The following EFHC2 variants were observed in gnomAD, a reference collection of about 807,000 sequenced individuals.
The protein encoded by EFHC2 is EF-hand domain containing 2.
A neutral mutation model predicts 52.7 loss-of-function variants in EFHC2; 18 were observed. That is an observed-to-expected ratio of 0.34 (90% CI 0.24 to 0.51). The LOEUF (loss-of-function observed/expected upper bound fraction) is 0.51, where lower values mean the gene tolerates loss of function less well. EFHC2 is among the 20% of genes least tolerant of loss of function. The probability of loss-of-function intolerance (pLI) is 0.97; values close to 1 mark genes in which losing one functional copy is unlikely to be tolerated. For synonymous variants in EFHC2, 203 were observed against 204.1 expected (o/e 0.99, Z 0.04); for missense variants, 513 against 562.5 (o/e 0.91, Z 0.89).
intron 2 of EFHC2, among the ~76,000 whole-genome samples, chrX:44,298,860 C>CAAA (rs34701706): frequency 1.8e-4 from 4 of 22,710 alleles, no homozygotes; most frequent in Admixed American, 6.3e-4. Context: ...GACTCTGTCT[C>CAAA]AAAAAAAAAA....
intron 1 of EFHC2, among the ~76,000 whole-genome samples, chrX:44,323,478 G>A (rs956531936): frequency 2.7e-5 from 3 of 111,935 alleles, no homozygotes; most frequent in Admixed American, 9.5e-5. Flanking sequence ...CTTGAACCAT[G>A]CACTGAATTT....
intron 11 of EFHC2, among the ~76,000 whole-genome samples, chrX:44,193,481 G>A (rs969262937): frequency 1.8e-5 from 2 of 111,774 alleles, no homozygotes; most frequent in Admixed American, 9.5e-5. Context: ...TTACAATAAC[G>A]TAACTAGTTT....
chrX:44,200,162 T>C (rs2036995987), intron 11 of EFHC2, among the ~76,000 whole-genome samples: 2 of 111,788 alleles, frequency 1.8e-5, no homozygotes, highest in African/African-American at 6.5e-5. Flanking sequence ...GAACTCTAGT[T>C]TGGTAAATTT....
At chrX:44,184,579 C>T (rs758643917) in intron 11 of EFHC2, among the ~76,000 whole-genome samples, 5 of 110,965 alleles carry the variant, frequency 4.5e-5, no homozygotes, top group Admixed American at 2.9e-4. Context: ...AAAAATTAGT[C>T]GGGCATGGTG....
At position 44,235,439 on chromosome X, in the gene EFHC2, G is replaced by T. The variant is rs2208592; in HGVS notation, c.1289C>A (p.Ser430Tyr). 97,752 of 1,185,948 alleles carry T rather than the reference G, an allele frequency of 0.082. 3,580 individuals carry two copies. Among genetic ancestry groups the T allele is most frequent in the Admixed American group, 0.29 (12,289 of 42,684 alleles). Residue 430 changes from serine (S) to tyrosine (Y), a missense_variant, in exon 9 of 15, where the codon TCC becomes TAC. Ser to Tyr is a moderately radical substitution (Grantham distance 144). Coordinates refer to ENST00000420999, the MANE Select transcript of EFHC2 (RefSeq NM_025184.4). ...AAAAAAACGGAGTATATTGCTTTTG[G>T]AGCCATAGCTAAATGGAAGAGAAAT... ...KKFMEKDSYG[S>Y]KSNILRFFAK... is the part of the protein sequence containing the mutation.
Position 44,339,886 on chromosome X carries a change from C to G in EFHC2, c.42+3661G>C, listed in dbSNP as rs1377839797. ...AAAATATTAATTTGTGGGCAACACA[C>G]AGTACATTTAGTACCAAGGCTAGTG... On this transcript the variant is annotated intron_variant, in intron 1 of 14. Coordinates refer to ENST00000420999, the MANE Select transcript of EFHC2 (RefSeq NM_025184.4). Among the ~76,000 whole-genome samples, 3 of 111,640 alleles carry G rather than the reference C, an allele frequency of 2.7e-5. No homozygotes were observed. In the Admixed American group the frequency reaches 2.9e-4, roughly 11 times the overall value.
chrX:44,149,406 A>C (rs188367942), intron 14 of EFHC2, among the ~76,000 whole-genome samples: 2 of 112,701 alleles, frequency 1.8e-5, no homozygotes, highest in Admixed American at 9.4e-5. Context: ...CATAGACAAG[A>C]AAAAGAAATG....
At chrX:44,152,725 TACACACACACAC>T (rs3037406) in intron 14 of EFHC2, among the ~76,000 whole-genome samples, 1 of 99,412 alleles carries the variant, frequency 1.0e-5, no homozygotes, top group African/African-American at 3.7e-5. Flanking sequence ...AGTAAACCAT[TACACACACACAC>T]ACACACACAC....
intron 11 of EFHC2, among the ~76,000 whole-genome samples, chrX:44,221,018 T>C (rs1330971623): frequency 8.9e-6 from 1 of 111,961 alleles, no homozygotes; most frequent in Non-Finnish European, 1.9e-5. Flanking sequence ...ATGTTGCCAA[T>C]ATAGTAAGTG....
intron 2 of EFHC2, among the ~76,000 whole-genome samples, chrX:44,275,913 CAA>C (rs766678057): frequency 1.3e-4 from 8 of 60,486 alleles, no homozygotes; most frequent in Admixed American, 2.0e-4. Context: ...GACGCCATCT[CAA>C]AAAAAAAAAA....
chrX:44,244,167 A>G (rs1285064612), intron 7 of EFHC2, among the ~76,000 whole-genome samples: 5 of 112,182 alleles, frequency 4.5e-5, no homozygotes, highest in Non-Finnish European at 9.4e-5. Context: ...TTAAGTAACA[A>G]AAGAACCAAT....
At chrX:44,342,035 G>T (rs1173503330) in intron 1 of EFHC2, among the ~76,000 whole-genome samples, 1 of 111,999 alleles carries the variant, frequency 8.9e-6, no homozygotes, top group Non-Finnish European at 1.9e-5. Context: ...CTTTTACACA[G>T]CATGCTTCTT....
chrX:44,328,610 G>C (rs2038066575), intron 1 of EFHC2, among the ~76,000 whole-genome samples: 1 of 112,160 alleles, frequency 8.9e-6, no homozygotes, highest in African/African-American at 3.2e-5. Flanking sequence ...ATGGCAGATG[G>C]AAAATTGAAA....
rs775017475 is a variant in EFHC2, at chrX:44,235,948, C to T, written c.1281-501G>A. The stretch of plus-strand genomic sequence containing the variant: ...ACTCACTCCTCCAGCTCCCCAGCAA[C>T]CCCCCAACTTCCTTCAAGGGAAAAA... On this transcript the variant is annotated intron_variant, in intron 8 of 14. Transcript: ENST00000420999. 6.3e-5 allele frequency among the ~76,000 whole-genome samples: 7 copies of T among 111,626 alleles called. No homozygotes were observed. The South Asian group carries it at 2.6e-3, about 42-fold the overall frequency.
chrX:44,207,976 T>C (rs2037061603), intron 11 of EFHC2, among the ~76,000 whole-genome samples: 1 of 112,132 alleles, frequency 8.9e-6, no homozygotes. Flanking sequence ...AGAATGGCTA[T>C]TAAAAAGTCA....
intron 2 of EFHC2, among the ~76,000 whole-genome samples, chrX:44,282,134 G>GA (rs988134198): frequency 9.3e-5 from 10 of 106,967 alleles, no homozygotes; most frequent in African/African-American, 2.7e-4. Context: ...TTTTATCATA[G>GA]AAAAAAAAAG....
intron 14 of EFHC2, among the ~76,000 whole-genome samples, chrX:44,149,905 C>T (rs2036556533): frequency 8.9e-6 from 1 of 112,282 alleles, no homozygotes; most frequent in African/African-American, 3.2e-5. Context: ...CTGGATCACT[C>T]ACAGTATGAT....
chrX:44,221,713 A>C (rs183655182), intron 11 of EFHC2, among the ~76,000 whole-genome samples: 120 of 111,709 alleles, frequency 1.1e-3, no homozygotes, highest in African/African-American at 3.8e-3. Flanking sequence ...TTCTGATTGG[A>C]ATTGCTTCAA....
At chrX:44,246,289 C>A (rs1331524930) in intron 7 of EFHC2, among the ~76,000 whole-genome samples, 1 of 112,057 alleles carries the variant, frequency 8.9e-6, no homozygotes, top group Non-Finnish European at 1.9e-5. Context: ...TCCCCTCCAC[C>A]TCATCATAGA....
Sources: allele counts gnomAD v4.1 joint callset (sites outside exome capture counted in the v4.1 genomes callset), GRCh38; gene constraint gnomAD v4.1.1; transcripts MANE v1.5; gene names NCBI Gene and HGNC (gene_info 2026-07-23, HGNC 2026-07-21).